The following IL1RAPL1 variants were observed in gnomAD, a reference collection of about 807,000 sequenced individuals.
The protein encoded by IL1RAPL1 is interleukin-1 receptor accessory protein-like 1.
Under a neutral mutation model 48.4 loss-of-function variants are expected in IL1RAPL1, and 3 were observed. The observed-to-expected ratio is 0.06, with a 90% CI of 0.03 to 0.16. The LOEUF is 0.16. Among genes scored for constraint, IL1RAPL1 ranks in the 10% least tolerant of loss-of-function variants. The pLI is 1.00. For missense variants in IL1RAPL1, 349 were observed against 530.6 expected (o/e 0.66, Z 3.36); for synonymous variants, 185 against 187.7 (o/e 0.99, Z 0.12).
chrX:28,691,270 C>T (rs1935176110), intron 1 of IL1RAPL1, among the ~76,000 whole-genome samples: 1 of 111,028 alleles, frequency 9.0e-6, no homozygotes. Context: ...AACATAACCT[C>T]GGGCTTTTAA....
chrX:29,245,489 C>T (rs1374539496), intron 2 of IL1RAPL1, among the ~76,000 whole-genome samples: 2 of 111,803 alleles, frequency 1.8e-5, no homozygotes, highest in African/African-American at 6.5e-5. Flanking sequence ...GAGATGGTAT[C>T]TCATTGTGGT....
chrX:29,530,634 A>G (rs547098552), intron 5 of IL1RAPL1, among the ~76,000 whole-genome samples: 1 of 112,015 alleles, frequency 8.9e-6, no homozygotes, highest in African/African-American at 3.2e-5. Flanking sequence ...AATGGGTTGC[A>G]AGAGCTGACA....
At chrX:29,747,366 A>G (rs1462479130) in intron 6 of IL1RAPL1, among the ~76,000 whole-genome samples, 1 of 112,896 alleles carries the variant, frequency 8.9e-6, no homozygotes, top group Non-Finnish European at 1.9e-5. Flanking sequence ...ATGCCAATTA[A>G]CAGTAAATTC....
chrX:29,236,545 C>CTTTTTTTTTTTTTTTTTTTTTTTTTTTT (rs754996544), intron 2 of IL1RAPL1, among the ~76,000 whole-genome samples: 5 of 63,193 alleles, frequency 7.9e-5, no homozygotes, highest in Admixed American at 2.0e-4. Context: ...CTTTTTTTTT[C>CTTTTTTTTTTTTTTTTTTTTTTTTTTTT]TTTTTTTTTT....
intron 3 of IL1RAPL1, among the ~76,000 whole-genome samples, chrX:29,289,872 T>C (rs1932344213): frequency 8.9e-6 from 1 of 112,661 alleles, no homozygotes; most frequent in Non-Finnish European, 1.9e-5. Flanking sequence ...ACATTGTTAC[T>C]ATGTGAAAAT....
At chrX:28,654,414 T>C (rs369892639) in intron 1 of IL1RAPL1, among the ~76,000 whole-genome samples, 25 of 111,589 alleles carry the variant, frequency 2.2e-4, no homozygotes, top group East Asian at 2.0e-3. Flanking sequence ...ACCTCTCCAA[T>C]GACTTTTATT....
chrX:29,853,544 G>A (rs1190040565), intron 6 of IL1RAPL1, among the ~76,000 whole-genome samples: 4 of 110,794 alleles, frequency 3.6e-5, no homozygotes, highest in African/African-American at 1.3e-4. Context: ...GTTATCTGAT[G>A]CTTTTTTTTT....
At chrX:29,732,683 T>G (rs752603921) in intron 6 of IL1RAPL1, among the ~76,000 whole-genome samples, 1 of 112,424 alleles carries the variant, frequency 8.9e-6, no homozygotes, top group African/African-American at 3.2e-5. Flanking sequence ...AGTGATGTTA[T>G]CATATTTTTC....
chrX:29,340,796 G>A (rs950008111), intron 3 of IL1RAPL1, among the ~76,000 whole-genome samples: 3 of 112,126 alleles, frequency 2.7e-5, no homozygotes, highest in Non-Finnish European at 5.6e-5. Context: ...GAGTGAAAAG[G>A]TGAAGGAGCT....
intron 6 of IL1RAPL1, among the ~76,000 whole-genome samples, chrX:29,831,491 T>A (rs991286584): frequency 8.9e-6 from 1 of 111,821 alleles, no homozygotes; most frequent in Non-Finnish European, 1.9e-5. Flanking sequence ...TCTCGCAGTT[T>A]AATATGAGGA....
At position 29,920,059 on chromosome X, in the gene IL1RAPL1, G is replaced by C. The variant is rs2147239865; in HGVS notation, c.1022G>C (p.Gly341Ala). 1 of 1,211,481 alleles carries C rather than the reference G, an allele frequency of 8.3e-7. No individual in the cohort carries two copies. The highest frequency in any genetic ancestry group is 1.1e-6 in the Non-Finnish European group (1 of 895,242). Residue 341 changes from glycine (G) to alanine (A), a missense_variant, in exon 8 of 11, where the codon GGA becomes GCA. Physicochemically the swap from Gly to Ala is moderately conservative, Grantham distance 60 (BLOSUM62 0). Transcript: ENST00000378993. ...NYSCYVENGN[G>A]RRHASVLLHK... ...TCCTGTTATGTTGAAAATGGAAATG[G>C]ACGTCGACACGCCAGCGTTCTCCTT...
At chrX:29,889,342 A>G (rs187809583) in intron 6 of IL1RAPL1, among the ~76,000 whole-genome samples, 1 of 111,953 alleles carries the variant, frequency 8.9e-6, no homozygotes, top group Admixed American at 9.5e-5. Flanking sequence ...TTTATCTTGC[A>G]TATTTCCACC....
intron 1 of IL1RAPL1, chrX:28,659,344 G>GT: frequency 1.8e-6 from 1 of 553,403 alleles, no homozygotes; most frequent in South Asian, 2.4e-5. Flanking sequence ...TACCAGGCCT[G>GT]TAACGATGAG....
At chrX:29,119,966 G>C (rs1276753181) in intron 2 of IL1RAPL1, among the ~76,000 whole-genome samples, 1 of 111,480 alleles carries the variant, frequency 9.0e-6, no homozygotes, top group East Asian at 2.8e-4. Flanking sequence ...TTCAACTTCA[G>C]CTCCTTCTAG....
chrX:28,625,895 C>G (rs1601838795), intron 1 of IL1RAPL1, among the ~76,000 whole-genome samples: 1 of 111,778 alleles, frequency 8.9e-6, no homozygotes, highest in East Asian at 2.8e-4. Flanking sequence ...AAGGTTATAA[C>G]TATATTGGAT....
At chrX:28,925,644 G>C (rs761808135) in intron 2 of IL1RAPL1, among the ~76,000 whole-genome samples, 150 of 111,473 alleles carry the variant, frequency 1.3e-3, no homozygotes, top group Non-Finnish European at 2.2e-3. Flanking sequence ...AGAACCAAAG[G>C]GGCCAGGTGC....
At position 29,743,482 on chromosome X, in the gene IL1RAPL1, T is replaced by A. The variant is rs754096728; in HGVS notation, c.778+74978T>A. Among the ~76,000 whole-genome samples, 8 of 111,607 alleles carry A rather than the reference T, an allele frequency of 7.2e-5. No homozygotes were observed. In the Admixed American group the frequency reaches 7.7e-4, roughly 11 times the overall value. On this transcript the variant is annotated intron_variant, in intron 6 of 10. Transcript: ENST00000378993. The stretch of plus-strand genomic sequence containing the variant: ...CAATTGATGAGATAAAAGGTCTTTC[T>A]CTTTTTTCATTTTTATTTTTTTGAG...
intron 10 of IL1RAPL1, 41 bp downstream of exon 10, chrX:29,954,733 G>A (rs1375509246): frequency 9.8e-7 from 1 of 1,023,786 alleles, no homozygotes; most frequent in Non-Finnish European, 1.4e-6. Flanking sequence ...ATATTCATGT[G>A]AGTGTCTGTG....
At chrX:28,777,232 C>A (rs775878338) in intron 1 of IL1RAPL1, among the ~76,000 whole-genome samples, 2 of 111,020 alleles carry the variant, frequency 1.8e-5, no homozygotes, top group South Asian at 7.7e-4. Flanking sequence ...CCACTTCCAT[C>A]ATCATATGGC....
Sources: allele counts gnomAD v4.1 joint callset (sites outside exome capture counted in the v4.1 genomes callset), GRCh38; gene constraint gnomAD v4.1.1; transcripts MANE v1.5; gene names NCBI Gene and HGNC (gene_info 2026-07-23, HGNC 2026-07-21).